Variants in ACSL3 observed in about 807,000 individuals in gnomAD.
ACSL3 encodes fatty acid CoA ligase Acsl3.
In ACSL3, 34 loss-of-function variants were observed where a neutral mutation model predicts 84.7. The observed-to-expected ratio is 0.40, with a 90% CI of 0.31 to 0.53. The LOEUF is 0.53. Among genes scored for constraint, ACSL3 ranks in the 20% least tolerant of loss-of-function variants. The pLI, the probability that ACSL3 is intolerant of heterozygous loss-of-function variation, is 0.48. For missense variants in ACSL3, 680 were observed against 873.1 expected, an observed-to-expected ratio of 0.78 and a Z score of 2.79; for synonymous variants, 315 against 299.4, an observed-to-expected ratio of 1.05 and a Z score of -0.54.
chr2:222,923,009 A>G (rs1378210345), intron 9 of ACSL3, 69 bp from the exon 10 acceptor site: 4 of 1,388,972 alleles, frequency 2.9e-6, no homozygotes, highest in Non-Finnish European at 4.0e-6. Context: ...AGGCTTTTTG[A>G]TCTAAGAATA....
At chr2:222,922,476 C>T (rs535987125) in intron 8 of ACSL3, among the ~76,000 whole-genome samples, 3 of 152,312 alleles carry the variant, frequency 2.0e-5, no homozygotes, top group African/African-American at 4.8e-5. Flanking sequence ...TGCAAGTGTG[C>T]GCCTCCTTGC....
intron 2 of ACSL3, among the ~76,000 whole-genome samples, chr2:222,900,373 A>G (rs1016182852): frequency 1.3e-5 from 2 of 151,876 alleles, no homozygotes; most frequent in Non-Finnish European, 2.9e-5. Flanking sequence ...CTTGAGCTTG[A>G]TCTTGTAGAT....
In ACSL3 at chr2:222,908,830, C is replaced by A; in HGVS notation, c.58C>A (p.Pro20Thr). 1 of 1,605,510 alleles carries A rather than the reference C, an allele frequency of 6.2e-7. No individual in the cohort carries two copies. Among genetic ancestry groups the A allele is most frequent in the Admixed American group, 1.7e-5 (1 of 59,200 alleles). ...CATGAAGCTAAAACATACCATCAAC[C>A]CTATTCTTTTATATTTTATACATTT... ...STMKLKHTIN[P>T]ILLYFIHFLI... Residue 20 changes from proline (P) to threonine (T), a missense_variant, in exon 4 of 17, where the codon CCT (proline) becomes ACT (threonine). By Grantham distance (38) the Pro-to-Thr change is conservative (BLOSUM62 -1). Coordinates refer to ENST00000357430, the MANE Select transcript of ACSL3 (RefSeq NM_004457.5).
At position 222,930,650 on chromosome 2, in the gene ACSL3, C is replaced by T; in HGVS notation, c.1570C>T (p.Pro524Ser). The change falls in exon 14 of 17, where the codon CCC (proline) becomes TCC (serine). Residue 524 changes from proline to serine, a missense_variant. By Grantham distance (74) the Pro-to-Ser change is moderately conservative. Around this residue, in one of 2 missense-constraint regions of ACSL3, gnomAD observed 347 missense variants for 525.7 expected, o/e 0.66. Coordinates refer to ENST00000357430, the MANE Select transcript of ACSL3 (RefSeq NM_004457.5). ...ATACTTTAATACTGATAAGCCACACCCCAGGGGTGAAATTCTTATTGGGGG... is the reference window on the plus strand; with the variant it reads ...ATACTTTAATACTGATAAGCCACACTCCAGGGGTGAAATTCTTATTGGGGG... The part of the protein sequence containing the change: ...GGYFNTDKPH[P>S]RGEILIGGQS... The T allele has an allele frequency of 6.2e-7, 1 of 1,613,626 alleles. No homozygotes were observed. Among genetic ancestry groups the T allele is most frequent in the Non-Finnish European group, 8.5e-7 (1 of 1,179,790 alleles).
At position 222,881,553 on chromosome 2, in the gene ACSL3, G is replaced by A. The variant is rs537284056; in HGVS notation, c.-206-6277G>A. On this transcript the variant is annotated intron_variant, in intron 1 of 16. Coordinates refer to ENST00000357430, the MANE Select transcript of ACSL3 (RefSeq NM_004457.5). ...ACCCCTGAGATGGAGTTTCACTCTT[G>A]TCGCCCAGGCTGGAGTGCAATGGTG... 3.3e-4 allele frequency among the ~76,000 whole-genome samples: 50 copies of A among 152,310 alleles called. 1 individual carries two copies. Among genetic ancestry groups the A allele is most frequent in the African/African-American group, 1.2e-3 (50 of 41,544 alleles).
intron 7 of ACSL3, among the ~76,000 whole-genome samples, chr2:222,920,421 C>T (rs1696701432): frequency 6.6e-6 from 1 of 152,158 alleles, no homozygotes; most frequent in Non-Finnish European, 1.5e-5. Context: ...AGCTTCTCAG[C>T]TGTTGTCCTT....
chr2:222,932,485 C>T (rs963626402), intron 14 of ACSL3, among the ~76,000 whole-genome samples: 3 of 152,124 alleles, frequency 2.0e-5, no homozygotes, highest in African/African-American at 4.8e-5. Context: ...TGCACCACCA[C>T]GCCCAGCTAG....
chr2:222,883,840 C>T (rs1695656566), intron 1 of ACSL3, among the ~76,000 whole-genome samples: 1 of 152,114 alleles, frequency 6.6e-6, no homozygotes, highest in Non-Finnish European at 1.5e-5. Flanking sequence ...AAAAGAGTCT[C>T]CACCTCATTT....
At chr2:222,904,119 A>G (rs1019240650) in intron 3 of ACSL3, among the ~76,000 whole-genome samples, 2 of 152,136 alleles carry the variant, frequency 1.3e-5, no homozygotes, top group Admixed American at 6.6e-5. Flanking sequence ...TAAAAATACA[A>G]AATTAGCCGG....
At chr2:222,894,939 G>T (rs1695935693) in intron 2 of ACSL3, among the ~76,000 whole-genome samples, 1 of 152,092 alleles carries the variant, frequency 6.6e-6, no homozygotes, top group Admixed American at 6.6e-5. Flanking sequence ...TCTCCCAGGT[G>T]TGTGTGTGTG....
chr2:222,899,040 A>C (rs1696067641), intron 2 of ACSL3, among the ~76,000 whole-genome samples: 2 of 152,130 alleles, frequency 1.3e-5, no homozygotes, highest in Admixed American at 1.3e-4. Context: ...AAAATGCTTT[A>C]GGCAGTTTAT....
At position 222,919,109 on chromosome 2, in the gene ACSL3, G is replaced by T; in HGVS notation, c.712G>T (p.Asp238Tyr). The T allele has an allele frequency of 6.2e-7, 1 of 1,614,112 alleles. No individual in the cohort carries two copies. Among genetic ancestry groups the T allele is most frequent in the African/African-American group, 1.3e-5 (1 of 75,042 alleles). ...ACGCCTGCGGCACATCATCACTGTT[G>T]ATGGAAAGCCACCGACCTGGTCCGA... ...VPRLRHIITV[D>Y]GKPPTWSEFP... Residue 238 changes from aspartate (D) to tyrosine (Y), a missense_variant, in exon 7 of 17, where the codon GAT (aspartate) becomes TAT (tyrosine). Around this residue, in one of 2 missense-constraint regions of ACSL3, gnomAD observed 333 missense variants for 347.5 expected, o/e 0.96. Transcript: ENST00000357430.
chr2:222,930,046 A>G (rs1343786945), intron 13 of ACSL3, among the ~76,000 whole-genome samples: 4 of 148,860 alleles, frequency 2.7e-5, no homozygotes, highest in African/African-American at 9.9e-5. Context: ...CTCCTGCCTC[A>G]GCCTCCCTAA....
rs549560524 is a variant in ACSL3, at chr2:222,905,481, AAAAC to A, written c.-40-3246_-40-3243del. Among the ~76,000 whole-genome samples the A allele has an allele frequency of 7.9e-5, 12 of 152,322 alleles. No individual in the cohort carries two copies. In the East Asian group the frequency reaches 2.3e-3, roughly 29 times the overall value. On this transcript the variant is annotated intron_variant, in intron 3 of 16. Transcript: ENST00000357430. Reference sequence around the variant, plus strand: ...TGGCCATGATATTATTTTTAATTCAAAAACAAACATGCAAAATTAAATTTTAGTG... The same window carrying A: ...TGGCCATGATATTATTTTTAATTCAAAAACATGCAAAATTAAATTTTAGTG...
At chr2:222,935,541 G>A (rs1455629911) in intron 16 of ACSL3, among the ~76,000 whole-genome samples, 1 of 152,096 alleles carries the variant, frequency 6.6e-6, no homozygotes, top group East Asian at 1.9e-4. Context: ...TCACATTTCA[G>A]TAATGTCAGA....
chr2:222,881,065 T>G (rs1250790051), intron 1 of ACSL3, among the ~76,000 whole-genome samples: 4 of 152,148 alleles, frequency 2.6e-5, no homozygotes, highest in South Asian at 2.1e-4. Flanking sequence ...AAGACATGCC[T>G]TGAGAGCCGT....
intron 1 of ACSL3, among the ~76,000 whole-genome samples, chr2:222,866,398 C>G (rs531567401): frequency 4.9e-4 from 74 of 152,240 alleles, no homozygotes; most frequent in African/African-American, 1.4e-3. Flanking sequence ...GCCCGCCTCG[C>G]CCTCCCAAAG....
At chr2:222,872,341 G>T (rs753632860) in intron 1 of ACSL3, among the ~76,000 whole-genome samples, 1 of 152,088 alleles carries the variant, frequency 6.6e-6, no homozygotes, top group Non-Finnish European at 1.5e-5. Flanking sequence ...GGCCAGGCTG[G>T]TCTTGAACTC....
At chr2:222,887,129 T>G (rs1013274518) in intron 1 of ACSL3, among the ~76,000 whole-genome samples, 1 of 152,230 alleles carries the variant, frequency 6.6e-6, no homozygotes, top group Non-Finnish European at 1.5e-5. Context: ...TTTTACCATC[T>G]CCATAGCTTT....
Sources: gnomAD v4.1 joint callset for allele counts (sites outside exome capture counted in the v4.1 genomes callset) on GRCh38, gnomAD v4.1.1 for gene constraint, gnomAD v4.1.1 regional missense constraint, MANE v1.5 for transcripts, NCBI Gene and HGNC (gene_info 2026-07-23, HGNC 2026-07-21) for gene names.